Variants in CNTN6 observed in about 807,000 individuals in gnomAD.
The protein encoded by CNTN6 is contactin-6.
In CNTN6, 137 loss-of-function variants were observed where a neutral mutation model predicts 122.8. The ratio of observed to expected loss-of-function variants is 1.12; its 90% CI spans 0.97 to 1.29. The LOEUF is 1.29. Ranked by LOEUF, CNTN6 falls within the 50% of genes most tolerant of loss-of-function variation. The probability of loss-of-function intolerance (pLI) is 0.00; values close to 1 mark genes in which losing one functional copy is unlikely to be tolerated. For synonymous variants in CNTN6, 570 were observed against 426.0 expected (o/e 1.34, Z -4.16); for missense variants, 1,634 against 1,223.4 (o/e 1.34, Z -5.01).
chr3:1,233,649 C>T (rs547154859), intron 4 of CNTN6, among the ~76,000 whole-genome samples: 93 of 146,030 alleles, frequency 6.4e-4, no homozygotes, highest in African/African-American at 2.2e-3. Flanking sequence ...GCAGGAGAAT[C>T]GCGTGAACCC....
At chr3:1,322,019 AT>A (rs111266183) in intron 8 of CNTN6, among the ~76,000 whole-genome samples, 185 bp downstream of exon 8, 13,056 of 151,712 alleles carry the variant, frequency 0.086, 615 homozygotes, top group Middle Eastern at 0.11. Flanking sequence ...TATGGTTTTA[AT>A]TTTAGCATGG....
intron 4 of CNTN6, among the ~76,000 whole-genome samples, chr3:1,272,764 C>A (rs755646485): frequency 6.6e-6 from 1 of 152,114 alleles, no homozygotes; most frequent in African/African-American, 2.4e-5. Context: ...TCAAGTGCAT[C>A]GTCTGATTGT....
chr3:1,346,499 G>A (rs1704721482), intron 11 of CNTN6, among the ~76,000 whole-genome samples: 1 of 151,974 alleles, frequency 6.6e-6, no homozygotes, highest in South Asian at 2.1e-4. Context: ...AAAAGAGTCT[G>A]GCTTCCTCAG....
chr3:1,397,484 G>A (rs550927841), intron 20 of CNTN6, among the ~76,000 whole-genome samples: 2 of 152,148 alleles, frequency 1.3e-5, no homozygotes, highest in African/African-American at 4.8e-5. Context: ...TCATCTGCAA[G>A]TACCAAAGCC....
chr3:1,186,480 G>C (rs2093629588), intron 2 of CNTN6, among the ~76,000 whole-genome samples: 1 of 152,078 alleles, frequency 6.6e-6, no homozygotes, highest in South Asian at 2.1e-4. Context: ...TAAATATTGG[G>C]CCTTACAGAT....
chr3:1,249,020 G>A (rs73002349), intron 4 of CNTN6, among the ~76,000 whole-genome samples: 8,956 of 152,254 alleles, frequency 0.059, 352 homozygotes, highest in East Asian at 0.14. Flanking sequence ...TAGGTCTAAA[G>A]TGAGGCCCAA....
intron 17 of CNTN6, among the ~76,000 whole-genome samples, chr3:1,380,687 C>G (rs1285082416): frequency 6.6e-6 from 1 of 152,094 alleles, no homozygotes; most frequent in Non-Finnish European, 1.5e-5. Context: ...TTTTGTAGCT[C>G]AAAAGAGCCA....
chr3:1,150,649 TAC>T (rs1405087710), intron 2 of CNTN6, among the ~76,000 whole-genome samples: 19 of 152,218 alleles, frequency 1.2e-4, no homozygotes, highest in Admixed American at 1.2e-3. Flanking sequence ...AATTAGGAAA[TAC>T]AGTTAATAAT....
At chr3:1,366,059 C>A (rs760871869) in intron 12 of CNTN6, among the ~76,000 whole-genome samples, 1 of 152,040 alleles carries the variant, frequency 6.6e-6, no homozygotes, top group Non-Finnish European at 1.5e-5. Context: ...GATGAAAGGA[C>A]GTATTCAAGG....
At chr3:1,322,926 T>A (rs1701061275) in intron 8 of CNTN6, among the ~76,000 whole-genome samples, 1 of 151,710 alleles carries the variant, frequency 6.6e-6, no homozygotes, top group African/African-American at 2.4e-5. Context: ...TCTTTGGAAT[T>A]TAGTATCCTT....
chr3:1,183,405 T>C (rs916682103), intron 2 of CNTN6, among the ~76,000 whole-genome samples: 1 of 152,008 alleles, frequency 6.6e-6, no homozygotes, highest in African/African-American at 2.4e-5. Context: ...AAGAAATGGA[T>C]TGATTAGAGG....
At position 1,388,622 on chromosome 3, in the gene CNTN6, G is replaced by A. The variant is rs1295217827; in HGVS notation, c.2704+2825G>A. Reference sequence around the variant, plus strand: ...AGACGATCAAATTACTCTGAGCTACGGGAGGACATTCAAACCAAAGGCAAA... The same window carrying A: ...AGACGATCAAATTACTCTGAGCTACAGGAGGACATTCAAACCAAAGGCAAA... On this transcript the variant is annotated intron_variant, in intron 20 of 22. Transcript: ENST00000446702. 6.8e-5 allele frequency among the ~76,000 whole-genome samples: 10 copies of A among 147,674 alleles called. 1 individual carries two copies. The highest frequency in any genetic ancestry group is 6.0e-4 in the East Asian group (3 of 4,982).
At chr3:1,373,138 T>C (rs1310337390) in intron 14 of CNTN6, among the ~76,000 whole-genome samples, 183 bp downstream of exon 14, 1 of 152,148 alleles carries the variant, frequency 6.6e-6, no homozygotes, top group Non-Finnish European at 1.5e-5. Flanking sequence ...CATGGAACTG[T>C]GTGAATACAG....
In CNTN6 at chr3:1,298,024, G is replaced by C. The variant is rs1275038312; in HGVS notation, c.761+33G>C. On this transcript the variant is annotated intron_variant, in intron 7 of 22. Transcript: ENST00000446702. The stretch of plus-strand genomic sequence containing the variant: ...TTTTGTTTTTGTTTTTGTTTTCCTG[G>C]TTGCATTAATTTTTTTTTATTAAAA... The C allele has an allele frequency of 3.3e-6, 5 of 1,499,158 alleles. No homozygotes were observed. In the African/African-American group the frequency reaches 5.7e-5, roughly 17 times the overall value. The allele number at this position is 1,499,158 out of a possible 1,614,324, so 92.9% of individuals were successfully genotyped here. A position where few individuals can be genotyped will look rare whatever the true frequency, so the allele number is the denominator to read the frequency against.
intron 1 of CNTN6, among the ~76,000 whole-genome samples, chr3:1,098,258 TAAAAA>T (rs72483697): frequency 1.3e-5 from 2 of 150,622 alleles, no homozygotes; most frequent in African/African-American, 4.9e-5. Flanking sequence ...AAAATAAAAA[TAAAAA>T]AAAGAGAAAG....
intron 4 of CNTN6, among the ~76,000 whole-genome samples, chr3:1,232,249 A>G (rs775264112): frequency 6.6e-6 from 1 of 152,206 alleles, no homozygotes; most frequent in Non-Finnish European, 1.5e-5. Flanking sequence ...AGCATTTCAA[A>G]TAAGTTTGCT....
intron 11 of CNTN6, among the ~76,000 whole-genome samples, chr3:1,350,678 T>A (rs1413746211): frequency 6.6e-6 from 1 of 151,868 alleles, no homozygotes; most frequent in Non-Finnish European, 1.5e-5. Context: ...ATATGAAATA[T>A]AGACATTGGC....
rs265771 is a variant in CNTN6 at position 1,329,889 on chromosome 3, G to T, written c.1318G>T (p.Ala440Ser). The stretch of plus-strand genomic sequence containing the variant: ...CAAACCAAATGCTTTTCCCAGGGCA[G>T]CTATCTCTTGGAAAAGAGGAACGGA... ...GCKPNAFPRA[A>S]ISWKRGTETL... The change falls in exon 11 of 23, where the codon GCT (alanine) becomes TCT (serine). Residue 440 changes from alanine (A) to serine (S), a missense_variant. Coordinates refer to ENST00000446702, the MANE Select transcript of CNTN6 (RefSeq NM_001289080.2). 3,437 of 1,609,852 alleles carry T rather than the reference G, an allele frequency of 2.1e-3. 78 individuals carry two copies. In the African/African-American group the frequency reaches 0.042, roughly 19 times the overall value.
At chr3:1,232,345 C>T (rs866882451) in intron 4 of CNTN6, among the ~76,000 whole-genome samples, 2 of 152,092 alleles carry the variant, frequency 1.3e-5, no homozygotes, top group Non-Finnish European at 2.9e-5. Context: ...CGGAGAACAC[C>T]TAATTTATAC....
Sources: allele counts gnomAD v4.1 joint callset (sites outside exome capture counted in the v4.1 genomes callset), GRCh38; gene constraint gnomAD v4.1.1; transcripts MANE v1.5; gene names NCBI Gene and HGNC (gene_info 2026-07-23, HGNC 2026-07-21).